Variants in MAGI3 observed in about 807,000 individuals in gnomAD.
The protein encoded by MAGI3 is membrane associated guanylate kinase, WW and PDZ domain containing 3.
In MAGI3, 43 loss-of-function variants were observed where a neutral mutation model predicts 121.8. That is an observed-to-expected ratio of 0.35 (90% CI 0.28 to 0.46). The LOEUF is 0.46. Ranked by LOEUF, MAGI3 falls within the 20% of genes least tolerant of loss-of-function variation. The probability of loss-of-function intolerance (pLI) is 1.00; values close to 1 mark genes in which losing one functional copy is unlikely to be tolerated. For synonymous variants in MAGI3, 553 were observed against 639.3 expected, an observed-to-expected ratio of 0.86 and a Z score of 2.04; for missense variants, 1,547 against 1,797.3, an observed-to-expected ratio of 0.86 and a Z score of 2.52.
chr1:113,432,464 G>A (rs1184195885), intron 1 of MAGI3, among the ~76,000 whole-genome samples: 3 of 152,044 alleles, frequency 2.0e-5, no homozygotes, highest in Non-Finnish European at 2.9e-5. Flanking sequence ...TGTGCGGAAC[G>A]AAACTAAAAT....
intron 16 of MAGI3, among the ~76,000 whole-genome samples, chr1:113,670,235 T>C (rs1647459157): frequency 6.6e-6 from 1 of 152,196 alleles, no homozygotes; most frequent in African/African-American, 2.4e-5. Flanking sequence ...ATACCATTTC[T>C]TCCTCCTGCC....
chr1:113,597,947 C>G (rs1217224), intron 6 of MAGI3, among the ~76,000 whole-genome samples: 59,369 of 151,914 alleles, frequency 0.39, 13,351 homozygotes, highest in African/African-American at 0.61. Context: ...GGCACGGTGG[C>G]TCACACCTGT....
intron 1 of MAGI3, among the ~76,000 whole-genome samples, chr1:113,482,525 C>T (rs759819942): frequency 4.6e-5 from 7 of 151,476 alleles, no homozygotes; most frequent in Non-Finnish European, 7.4e-5. Context: ...TTCATAGAGG[C>T]GAGGTCTCAC....
At chr1:113,513,486 A>G (rs1306776808) in intron 1 of MAGI3, among the ~76,000 whole-genome samples, 1 of 152,192 alleles carries the variant, frequency 6.6e-6, no homozygotes, top group East Asian at 1.9e-4. Flanking sequence ...ATCTACAACT[A>G]TCTGATCTTT....
chr1:113,393,639 A>G (rs916245471), intron 1 of MAGI3, among the ~76,000 whole-genome samples: 2 of 152,222 alleles, frequency 1.3e-5, no homozygotes, highest in Non-Finnish European at 2.9e-5. Context: ...ACTAGAAATT[A>G]AGAATTTGAA....
rs139142691 is a variant in MAGI3 at position 113,536,915 on chromosome 1, G to A, written c.317-12600G>A. ...TGTAAATCAAAATCATCTCTTACCTGGACAGTGGCCCTCACTGTTTAATTG... is the reference window on the plus strand; with the variant it reads ...TGTAAATCAAAATCATCTCTTACCTAGACAGTGGCCCTCACTGTTTAATTG... On this transcript the variant is annotated intron_variant, in intron 1 of 20. Coordinates refer to ENST00000307546, the MANE Select transcript of MAGI3 (RefSeq NM_001142782.2). Among the ~76,000 whole-genome samples, 807 of 152,140 alleles carry A rather than the reference G, an allele frequency of 5.3e-3. 4 individuals carry two copies. Among genetic ancestry groups the A allele is most frequent in the African/African-American group, 0.019 (776 of 41,500 alleles).
chr1:113,622,056 A>G (rs1348250937), intron 8 of MAGI3, among the ~76,000 whole-genome samples: 1 of 152,216 alleles, frequency 6.6e-6, no homozygotes, highest in Non-Finnish European at 1.5e-5. Flanking sequence ...GTCGCATGAC[A>G]TTGAATTGTA....
At chr1:113,682,274 T>G (rs1361701611) in intron 20 of MAGI3, 1 of 1,609,190 alleles carries the variant, frequency 6.2e-7, no homozygotes, top group Admixed American at 1.7e-5. Flanking sequence ...CTTTCAGGGC[T>G]TTTCTTGGTC....
rs187942195 is a variant in MAGI3, at chr1:113,528,848, A to G, written c.317-20667A>G. On this transcript the variant is annotated intron_variant, in intron 1 of 20. Transcript: ENST00000307546. ...CATAATGTGAGGTTCAATATTTTTAATAGTTTTTATTGTCCTTAGAATATA... is the reference window on the plus strand; with the variant it reads ...CATAATGTGAGGTTCAATATTTTTAGTAGTTTTTATTGTCCTTAGAATATA... 2.1e-3 allele frequency among the ~76,000 whole-genome samples: 316 copies of G among 152,314 alleles called. 2 individuals carry two copies. The highest frequency in any genetic ancestry group is 7.4e-3 in the African/African-American group (306 of 41,584).
At chr1:113,402,305 A>G (rs1311013409) in intron 1 of MAGI3, among the ~76,000 whole-genome samples, 1 of 152,274 alleles carries the variant, frequency 6.6e-6, no homozygotes, top group African/African-American at 2.4e-5. Flanking sequence ...GCAGCACAGG[A>G]AAGAATTTTA....
intron 5 of MAGI3, 101 bp downstream of exon 5, chr1:113,590,759 C>G: frequency 9.2e-7 from 1 of 1,086,914 alleles, no homozygotes; most frequent in Non-Finnish European, 1.3e-6. Context: ...TTTCAGAAGA[C>G]TCATTTTTTT....
chr1:113,505,269 C>T (rs1470152342), intron 1 of MAGI3, among the ~76,000 whole-genome samples: 1 of 151,960 alleles, frequency 6.6e-6, no homozygotes, highest in African/African-American at 2.4e-5. Context: ...AATGGCTAAC[C>T]CTTTAACATC....
intron 1 of MAGI3, among the ~76,000 whole-genome samples, chr1:113,486,219 A>T (rs1042710587): frequency 1.4e-4 from 21 of 152,086 alleles, no homozygotes; most frequent in Non-Finnish European, 2.9e-4. Flanking sequence ...TGGTATTTTG[A>T]TACTGCATTG....
At chr1:113,671,576 C>T (rs1030510383) in intron 16 of MAGI3, among the ~76,000 whole-genome samples, 158 bp from the exon 17 acceptor site, 3 of 152,208 alleles carry the variant, frequency 2.0e-5, no homozygotes, top group Non-Finnish European at 4.4e-5. Context: ...GATGTTAATG[C>T]GCCAGTTCCA....
chr1:113,554,536 A>G (rs996249329), intron 2 of MAGI3, among the ~76,000 whole-genome samples: 9 of 152,048 alleles, frequency 5.9e-5, no homozygotes, highest in Admixed American at 5.2e-4. Flanking sequence ...AACTAGTACT[A>G]GATTTACCCT....
chr1:113,468,350 TG>T (rs1290802822), intron 1 of MAGI3, among the ~76,000 whole-genome samples: 1 of 152,224 alleles, frequency 6.6e-6, no homozygotes, highest in African/African-American at 2.4e-5. Flanking sequence ...TTTTTATTTT[TG>T]GTGAATCTAT....
Position 113,437,270 on chromosome 1 carries a change from TGG to T in MAGI3, c.316+45922_316+45923del, listed in dbSNP as rs1653616872. Among the ~76,000 whole-genome samples, 4 of 152,224 alleles carry T rather than the reference TGG, an allele frequency of 2.6e-5. No individual in the cohort carries two copies. The East Asian group carries it at 7.7e-4, about 29-fold the overall frequency. ...TCCCCTTCCCCCTCCAAAACAGGCT[TGG>T]AACTAAACTCATCTTTATCTATTAA... On this transcript the variant is annotated intron_variant, in intron 1 of 20. Coordinates refer to ENST00000307546, the MANE Select transcript of MAGI3 (RefSeq NM_001142782.2).
At chr1:113,427,083 T>C (rs1387599930) in intron 1 of MAGI3, among the ~76,000 whole-genome samples, 1 of 152,176 alleles carries the variant, frequency 6.6e-6, no homozygotes, top group Non-Finnish European at 1.5e-5. Context: ...CTGCCACATT[T>C]TGTGGGCTGT....
chr1:113,624,829 G>A (rs1187543330), intron 9 of MAGI3, among the ~76,000 whole-genome samples: 2 of 152,022 alleles, frequency 1.3e-5, no homozygotes, highest in East Asian at 3.8e-4. Context: ...TCTTTTTTTA[G>A]TTTTACAGTT....
Sources: gnomAD v4.1 joint callset for allele counts (sites outside exome capture counted in the v4.1 genomes callset) on GRCh38, gnomAD v4.1.1 for gene constraint, MANE v1.5 for transcripts, NCBI Gene and HGNC (gene_info 2026-07-23, HGNC 2026-07-21) for gene names.